Variants in MIPEP observed in about 807,000 individuals in gnomAD.
MIPEP encodes mitochondrial intermediate peptidase.
A neutral mutation model predicts 90.3 loss-of-function variants in MIPEP; 79 were observed. The observed-to-expected ratio is 0.87, with a 90% confidence interval of 0.73 to 1.05. The LOEUF is 1.05. MIPEP is among the 50% of genes least tolerant of loss of function. The pLI is 0.00. For missense variants in MIPEP, 940 were observed against 905.6 expected, an observed-to-expected ratio of 1.04 and a Z score of -0.49; for synonymous variants, 334 against 315.8, an observed-to-expected ratio of 1.06 and a Z score of -0.61.
chr13:23,810,367 C>A (rs1031559881), intron 14 of MIPEP, among the ~76,000 whole-genome samples: 1 of 152,164 alleles, frequency 6.6e-6, no homozygotes, highest in African/African-American at 2.4e-5. Flanking sequence ...AGTGTTAAAG[C>A]TAAACTGACA....
rs145029497 is a variant in MIPEP, at chr13:23,836,765, T to C, written c.1544-416A>G. On this transcript the variant is annotated intron_variant, in intron 13 of 18. Transcript: ENST00000382172. ...TTTACAAGTACTTTATTTTATCCATTTATTGCTTTTTGTAACAAAGTCAAT... is the reference window on the plus strand; with the variant it reads ...TTTACAAGTACTTTATTTTATCCATCTATTGCTTTTTGTAACAAAGTCAAT... 6.6e-3 allele frequency among the ~76,000 whole-genome samples: 999 copies of C among 152,360 alleles called. 7 individuals are homozygous for C. Among genetic ancestry groups the C allele is most frequent in the Non-Finnish European group, 9.7e-3 (663 of 68,030 alleles).
intron 10 of MIPEP, among the ~76,000 whole-genome samples, chr13:23,841,695 G>A (rs1869306058): frequency 6.6e-6 from 1 of 152,154 alleles, no homozygotes; most frequent in Admixed American, 6.5e-5. Flanking sequence ...TTATAAGTCA[G>A]TAATTAAGGT....
intron 18 of MIPEP, among the ~76,000 whole-genome samples, chr13:23,745,504 ATAAT>A (rs1182697055): frequency 6.6e-6 from 1 of 152,186 alleles, no homozygotes; most frequent in Non-Finnish European, 1.5e-5. Flanking sequence ...CTAAATCTCT[ATAAT>A]TATTACTATA....
chr13:23,747,586 G>T (rs1182358912), intron 18 of MIPEP: 1 of 508,180 alleles, frequency 2.0e-6, no homozygotes, highest in East Asian at 5.6e-5. Context: ...CAAGTGTGGA[G>T]ACAGCACAAT....
At chr13:23,831,383 C>CGGCGGG (rs1555237538) in intron 14 of MIPEP, among the ~76,000 whole-genome samples, 1,389 of 40,792 alleles carry the variant, frequency 0.034, 87 homozygotes, top group African/African-American at 0.11. Flanking sequence ...TTCCCCATGG[C>CGGCGGG]GGGGGGGGGA....
chr13:23,839,554 A>T (rs1020775971), intron 12 of MIPEP, 95 bp downstream of exon 12: 1 of 732,490 alleles, frequency 1.4e-6, no homozygotes, highest in Non-Finnish European at 2.1e-6. Context: ...TAACTTTTAA[A>T]TGTCATGGAA....
intron 16 of MIPEP, among the ~76,000 whole-genome samples, chr13:23,774,240 G>C (rs1441354385): frequency 6.6e-6 from 1 of 151,078 alleles, no homozygotes; most frequent in Non-Finnish European, 1.5e-5. Context: ...TTTTTTTCTG[G>C]AATCTCAGTT....
Position 23,760,169 on chromosome 13 carries a change from A to T in MIPEP, c.1897T>A (p.Tyr633Asn). The change falls in exon 17 of 19, where the codon TAC becomes AAC. Residue 633 changes from tyrosine to asparagine, a missense_variant. Physicochemically the swap from Tyr to Asn is moderately radical, Grantham distance 143. Coordinates refer to ENST00000382172, the MANE Select transcript of MIPEP (RefSeq NM_005932.4). ...ACCGCTCTGGACATGAGGTAAGAGT[A>T]ATATCTAGCACCATACCCCACGAGG... ...SHLVGYGARY[Y>N]SYLMSRAVAS... 6.2e-7 allele frequency: 1 copy of T among 1,614,122 alleles called. No individual in the cohort carries two copies. Among genetic ancestry groups the T allele is most frequent in the Non-Finnish European group, 8.5e-7 (1 of 1,180,008 alleles).
Position 23,837,558 on chromosome 13 carries a change from C to T in MIPEP, c.1537G>A (p.Val513Ile), listed in dbSNP as rs745767472. 2.5e-5 allele frequency: 41 copies of T among 1,608,916 alleles called. No homozygotes were observed. The highest frequency in any genetic ancestry group is 1.7e-4 in the Middle Eastern group (1 of 6,052). ...AGCCCTCCTCATGGCTCACCAGTGA[C>T]GTGTTGGTAACGAGTACGTCCTAGC... ...SMLGRTRYQHVTGTRCPTDFA... is the reference protein window; with the variant it reads ...SMLGRTRYQHITGTRCPTDFA... The change falls in exon 13 of 19, where the codon GTC becomes ATC. Residue 513 changes from valine to isoleucine, a missense_variant. Coordinates refer to ENST00000382172, the MANE Select transcript of MIPEP (RefSeq NM_005932.4).
At chr13:23,815,205 C>A (rs7332820) in intron 14 of MIPEP, among the ~76,000 whole-genome samples, 12,431 of 152,068 alleles carry the variant, frequency 0.082, 1,723 homozygotes, top group African/African-American at 0.28. Context: ...CAAATGTGAT[C>A]TGTTTCAGAT....
chr13:23,831,359 G>A (rs1297610405), intron 14 of MIPEP, among the ~76,000 whole-genome samples: 3 of 115,028 alleles, frequency 2.6e-5, no homozygotes, highest in African/African-American at 1.0e-4. Context: ...TCTGGGCGTC[G>A]GGGACAGCCT....
chr13:23,861,591 T>A (rs1365794369), intron 9 of MIPEP, among the ~76,000 whole-genome samples: 1 of 152,196 alleles, frequency 6.6e-6, no homozygotes, highest in African/African-American at 2.4e-5. Flanking sequence ...AAATCTTCCT[T>A]ATGACTATGG....
intron 18 of MIPEP, chr13:23,747,580 T>C: frequency 2.0e-6 from 1 of 509,922 alleles, no homozygotes; most frequent in Non-Finnish European, 3.9e-6. Context: ...ACTGAACAAG[T>C]GTGGAGACAG....
intron 16 of MIPEP, among the ~76,000 whole-genome samples, chr13:23,763,361 C>T (rs920419072): frequency 2.0e-5 from 3 of 152,166 alleles, no homozygotes; most frequent in African/African-American, 7.2e-5. Context: ...TGATGATAAG[C>T]GTCTCTCAGG....
At chr13:23,834,063 C>T (rs1042885553) in intron 14 of MIPEP, among the ~76,000 whole-genome samples, 2 of 152,044 alleles carry the variant, frequency 1.3e-5, no homozygotes, top group African/African-American at 2.4e-5. Flanking sequence ...TACTTGTCTG[C>T]GGGTTGCTGG....
intron 16 of MIPEP, chr13:23,766,005 A>C (rs1377351926): frequency 6.6e-6 from 1 of 152,192 alleles, no homozygotes; most frequent in East Asian, 1.9e-4. Flanking sequence ...ACCACACAAC[A>C]ACCATCCAAA....
chr13:23,879,656 C>T (rs1871202016), intron 3 of MIPEP, among the ~76,000 whole-genome samples: 3 of 151,948 alleles, frequency 2.0e-5, no homozygotes, highest in Admixed American at 2.0e-4. Flanking sequence ...CCTCAGCCTC[C>T]CAAGCAGTTG....
rs143324247 is a variant in MIPEP at position 23,803,144 on chromosome 13, T to C, written c.1848+2806A>G. Among the ~76,000 whole-genome samples, 159 of 152,116 alleles carry C rather than the reference T, an allele frequency of 1.0e-3. 1 individual carries two copies. Among genetic ancestry groups the C allele is most frequent in the African/African-American group, 3.4e-3 (143 of 41,490 alleles). On this transcript the variant is annotated intron_variant, in intron 16 of 18. Transcript: ENST00000382172. Reference sequence around the variant, plus strand: ...TTGGGAGGCCAAGACAGGTGGATTATCTGAGGTTGGGAGTTCGAGACCAGC... The same window carrying C: ...TTGGGAGGCCAAGACAGGTGGATTACCTGAGGTTGGGAGTTCGAGACCAGC...
chr13:23,786,050 C>T (rs1157792734), intron 16 of MIPEP, among the ~76,000 whole-genome samples: 3 of 152,026 alleles, frequency 2.0e-5, no homozygotes, highest in African/African-American at 7.2e-5. Flanking sequence ...GAGACCCTGT[C>T]TCTACAAAAA....
Sources: gnomAD v4.1 joint callset for allele counts (sites outside exome capture counted in the v4.1 genomes callset) on GRCh38, gnomAD v4.1.1 for gene constraint, MANE v1.5 for transcripts, NCBI Gene and HGNC (gene_info 2026-07-23, HGNC 2026-07-21) for gene names.